SUCLG2: variants seen among roughly 807,000 people sequenced by gnomAD.
The protein encoded by SUCLG2 is succinate-CoA ligase GDP-forming subunit beta, also known as succinate--CoA ligase [GDP-forming] subunit beta, mitochondrial.
SUCLG2 carries 42 observed loss-of-function variants against 47.9 expected under a neutral mutation model. The observed-to-expected ratio is 0.88, with a 90% CI of 0.69 to 1.14. The LOEUF (loss-of-function observed/expected upper bound fraction) is 1.14, where lower values mean the gene tolerates loss of function less well. Among genes scored for constraint, SUCLG2 ranks in the 50% most tolerant of loss-of-function variants. The probability of loss-of-function intolerance (pLI) is 0.00; values close to 1 mark genes in which losing one functional copy is unlikely to be tolerated. For missense variants in SUCLG2, 571 were observed against 525.9 expected (o/e 1.09, Z -0.84); for synonymous variants, 195 against 197.3 (o/e 0.99, Z 0.10).
chr3:67,572,445 A>T (rs568718218), intron 2 of SUCLG2, among the ~76,000 whole-genome samples: 1 of 152,350 alleles, frequency 6.6e-6, no homozygotes, highest in South Asian at 2.1e-4. Flanking sequence ...AAATAGCAGT[A>T]CTACTAATTT....
chr3:67,570,962 A>T (rs1707592103), intron 2 of SUCLG2, among the ~76,000 whole-genome samples: 1 of 152,168 alleles, frequency 6.6e-6, no homozygotes, highest in Admixed American at 6.5e-5. Context: ...TGTGAAAAGT[A>T]AAGACAGTCT....
chr3:67,465,731 G>A (rs1322717981), intron 9 of SUCLG2, among the ~76,000 whole-genome samples: 1 of 152,100 alleles, frequency 6.6e-6, no homozygotes, highest in African/African-American at 2.4e-5. Context: ...TCTTTCAAAG[G>A]GATTTCTGCT....
chr3:67,452,761 C>T (rs1466800438), intron 9 of SUCLG2, among the ~76,000 whole-genome samples: 1 of 152,202 alleles, frequency 6.6e-6, no homozygotes, highest in Non-Finnish European at 1.5e-5. Context: ...ATAAATTCCT[C>T]TAATTGTCAT....
At chr3:67,645,361 A>C (rs1350480530) in intron 1 of SUCLG2, among the ~76,000 whole-genome samples, 3 of 152,116 alleles carry the variant, frequency 2.0e-5, no homozygotes. Flanking sequence ...CTCCAATCCT[A>C]AAAGCGTCCT....
At chr3:67,580,752 A>G (rs61042381) in intron 2 of SUCLG2, among the ~76,000 whole-genome samples, 3,367 of 152,300 alleles carry the variant, frequency 0.022, 116 homozygotes, top group African/African-American at 0.077. Flanking sequence ...TGAGTTGAAT[A>G]TTATAGACCG....
At chr3:67,544,285 C>A (rs1706803186) in intron 2 of SUCLG2, among the ~76,000 whole-genome samples, 1 of 152,102 alleles carries the variant, frequency 6.6e-6, no homozygotes, top group Admixed American at 6.5e-5. Flanking sequence ...TGTGTCCCCA[C>A]CCAAATGTCA....
chr3:67,460,492 T>C (rs1704305407), intron 9 of SUCLG2, among the ~76,000 whole-genome samples: 1 of 152,162 alleles, frequency 6.6e-6, no homozygotes, highest in East Asian at 1.9e-4. Context: ...AGATGGGAAG[T>C]GACTTTTCTA....
rs1347934386 is a variant in SUCLG2, at chr3:67,375,641, C to T, written c.*103G>A. 22 of 1,458,536 alleles carry T rather than the reference C, an allele frequency of 1.5e-5. No individual in the cohort carries two copies. Among genetic ancestry groups the T allele is most frequent in the Non-Finnish European group, 1.9e-5 (21 of 1,104,088 alleles). 90.3% of individuals were successfully genotyped at this position (1,458,536 alleles called of 1,614,324 possible). On this transcript the variant is annotated 3_prime_UTR_variant, in exon 11 of 11. Transcript: ENST00000307227. Reference sequence around the variant, plus strand: ...TTTCAGTGATTCTTGCCTTCCCCCTCCCCTTTTCTTCCCCAATGAGATAAC... The same window carrying T: ...TTTCAGTGATTCTTGCCTTCCCCCTTCCCTTTTCTTCCCCAATGAGATAAC...
chr3:67,434,545 T>C (rs1472819411), intron 9 of SUCLG2, among the ~76,000 whole-genome samples: 2 of 152,012 alleles, frequency 1.3e-5, no homozygotes, highest in Non-Finnish European at 2.9e-5. Flanking sequence ...ATAACAACAA[T>C]GTGGGACTGT....
chr3:67,475,020 G>A (rs972971935), intron 9 of SUCLG2, among the ~76,000 whole-genome samples: 4 of 146,202 alleles, frequency 2.7e-5, no homozygotes, highest in African/African-American at 1.1e-4. Flanking sequence ...AAAAAAGAGA[G>A]GAAAAATCAT....
At chr3:67,380,800 A>G (rs1421552198) in intron 10 of SUCLG2, among the ~76,000 whole-genome samples, 2 of 152,110 alleles carry the variant, frequency 1.3e-5, no homozygotes, top group East Asian at 1.9e-4. Flanking sequence ...CAGGTAGAGA[A>G]TAAGAGAAAG....
chr3:67,528,039 G>T, intron 4 of SUCLG2, 93 bp downstream of exon 4: 1 of 1,108,950 alleles, frequency 9.0e-7, no homozygotes, highest in Non-Finnish European at 1.3e-6. Context: ...CCAAAGAGCA[G>T]TACTTCATTA....
intron 9 of SUCLG2, among the ~76,000 whole-genome samples, chr3:67,457,332 A>G (rs1260219152): frequency 6.6e-6 from 1 of 152,228 alleles, no homozygotes; most frequent in African/African-American, 2.4e-5. Context: ...GTCATGCTCT[A>G]AAGTGATACA....
chr3:67,447,830 G>A (rs1011574452), intron 9 of SUCLG2, among the ~76,000 whole-genome samples: 1 of 152,172 alleles, frequency 6.6e-6, no homozygotes, highest in Non-Finnish European at 1.5e-5. Context: ...CCGGGTTCAA[G>A]TGATTCTCAT....
intron 4 of SUCLG2, among the ~76,000 whole-genome samples, chr3:67,523,588 T>C (rs1156352449): frequency 1.3e-5 from 2 of 152,180 alleles, no homozygotes; most frequent in Non-Finnish European, 2.9e-5. Context: ...CAGTAACAAC[T>C]TGTCGTTTAT....
At chr3:67,489,037 AT>A (rs1400342701) in intron 9 of SUCLG2, among the ~76,000 whole-genome samples, 1 of 152,176 alleles carries the variant, frequency 6.6e-6, no homozygotes, top group Non-Finnish European at 1.5e-5. Context: ...TTCTGAGGGT[AT>A]GTCAGTGAGG....
At chr3:67,449,931 C>T (rs994294940) in intron 9 of SUCLG2, among the ~76,000 whole-genome samples, 7 of 151,984 alleles carry the variant, frequency 4.6e-5, no homozygotes, top group African/African-American at 1.7e-4. Flanking sequence ...TATTTTAAAG[C>T]TTAAATACAT....
chr3:67,433,816 A>AG (rs903474104), intron 9 of SUCLG2, among the ~76,000 whole-genome samples: 5 of 152,024 alleles, frequency 3.3e-5, no homozygotes, highest in Non-Finnish European at 7.4e-5. Context: ...AAAAAAAAAA[A>AG]CTTATTTGCA....
At chr3:67,398,497 C>A (rs953186939) in intron 10 of SUCLG2, among the ~76,000 whole-genome samples, 19 of 151,702 alleles carry the variant, frequency 1.3e-4, no homozygotes, top group African/African-American at 4.6e-4. Context: ...GTGAGAATGG[C>A]AATCATTAAA....
Sources: allele counts gnomAD v4.1 joint callset (sites outside exome capture counted in the v4.1 genomes callset), GRCh38; gene constraint gnomAD v4.1.1; transcripts MANE v1.5; gene names NCBI Gene and HGNC (gene_info 2026-07-23, HGNC 2026-07-21).